Variants in INPP5A observed in about 807,000 individuals in gnomAD.
INPP5A encodes inositol polyphosphate-5-phosphatase A.
In INPP5A, 14 loss-of-function variants were observed where a neutral mutation model predicts 65.2. The ratio of observed to expected loss-of-function variants is 0.21; its 90% CI spans 0.14 to 0.34. The LOEUF (loss-of-function observed/expected upper bound fraction) is 0.34. INPP5A is among the 10% of genes least tolerant of loss of function. The pLI, the probability that INPP5A is intolerant of heterozygous loss-of-function variation, is 1.00. For synonymous variants in INPP5A, 207 were observed against 208.3 expected (o/e 0.99, Z 0.05); for missense variants, 431 against 545.6 (o/e 0.79, Z 2.09).
In INPP5A at chr10:132,545,597, TA is replaced by T. The variant is rs879652392; in HGVS notation, c.75+7427del. 2.0e-5 allele frequency among the ~76,000 whole-genome samples: 3 copies of T among 152,172 alleles called. No individual in the cohort carries two copies. The highest frequency in any genetic ancestry group is 4.4e-5 in the Non-Finnish European group (3 of 68,020). On this transcript the variant is annotated intron_variant, in intron 1 of 15. Coordinates refer to ENST00000368594, the MANE Select transcript of INPP5A (RefSeq NM_005539.5). This position sits in a 1 kb window ranked among gnomAD's most constrained non-coding sequence, Gnocchi z 4.6. ...TCCAGTGAAATACCTGTGGGGGCCT[TA>T]GGGGAAGAGGGTGCGGAACAGGCAG...
chr10:132,588,391 G>T (rs1276417137), intron 1 of INPP5A, among the ~76,000 whole-genome samples: 1 of 152,226 alleles, frequency 6.6e-6, no homozygotes, highest in African/African-American at 2.4e-5. Context: ...CCTTCCTCCT[G>T]CACCGCCTGG....
chr10:132,764,365 G>A (rs1433191082), intron 11 of INPP5A, among the ~76,000 whole-genome samples: 1 of 152,188 alleles, frequency 6.6e-6, no homozygotes, highest in Non-Finnish European at 1.5e-5. Flanking sequence ...GAACATGGCC[G>A]GGCCAGTCCT....
chr10:132,638,519 T>C (rs1029868669), intron 2 of INPP5A, among the ~76,000 whole-genome samples: 1 of 152,236 alleles, frequency 6.6e-6, no homozygotes, highest in African/African-American at 2.4e-5. Context: ...TCTGGATTTT[T>C]CCTCATTTTA....
In INPP5A at chr10:132,544,041, C is replaced by G. The variant is rs567552399; in HGVS notation, c.75+5870C>G. Among the ~76,000 whole-genome samples, 17 of 152,364 alleles carry G rather than the reference C, an allele frequency of 1.1e-4. No homozygotes were observed. The East Asian group carries it at 3.3e-3, about 29-fold the overall frequency. On this transcript the variant is annotated intron_variant, in intron 1 of 15. Transcript: ENST00000368594. ...GAGTTCGTATTTAACCCTTGAGGGC[C>G]TGTCAGGCAGTCCATGGTGGCTGCC...
intron 1 of INPP5A, among the ~76,000 whole-genome samples, chr10:132,583,297 G>A (rs1186428509): frequency 1.3e-5 from 2 of 152,142 alleles, no homozygotes; most frequent in Non-Finnish European, 2.9e-5. Flanking sequence ...CCTCTGAACC[G>A]TAGCTTCTGT....
chr10:132,652,226 T>G (rs1038805739), intron 4 of INPP5A, among the ~76,000 whole-genome samples: 2 of 152,054 alleles, frequency 1.3e-5, no homozygotes, highest in African/African-American at 2.4e-5. Flanking sequence ...AGCAGCAAAT[T>G]AGACATTGCA....
chr10:132,685,574 A>G (rs1006364046), intron 4 of INPP5A, among the ~76,000 whole-genome samples: 3 of 152,228 alleles, frequency 2.0e-5, no homozygotes, highest in Non-Finnish European at 4.4e-5. Context: ...CGGAAATGAT[A>G]AATTACCGGC....
chr10:132,736,637 G>A (rs556099317), intron 9 of INPP5A, among the ~76,000 whole-genome samples: 57 of 152,366 alleles, frequency 3.7e-4, no homozygotes, highest in South Asian at 2.5e-3. Context: ...TGTGTCTGCC[G>A]TTCAGTGGAG....
chr10:132,571,713 A>C (rs189639443), intron 1 of INPP5A, among the ~76,000 whole-genome samples: 3,006 of 152,294 alleles, frequency 0.02, 189 homozygotes, highest in Admixed American at 0.14. Context: ...TGCGTGCTGT[A>C]AGGACCTCGA....
chr10:132,645,553 A>G (rs1360191775), intron 2 of INPP5A, among the ~76,000 whole-genome samples: 1 of 152,272 alleles, frequency 6.6e-6, no homozygotes. Flanking sequence ...GAGGCTCTGC[A>G]GTAAACACGC....
In INPP5A at chr10:132,616,403, C is replaced by T. The variant is rs532156984; in HGVS notation, c.117+8447C>T. Among the ~76,000 whole-genome samples the T allele has an allele frequency of 6.0e-5, 9 of 150,880 alleles. No homozygotes were observed. Among genetic ancestry groups the T allele is most frequent in the Admixed American group, 1.3e-4 (2 of 15,190 alleles). ...GGCGTGGTGTGAGGTATGTGGCGTG[C>T]GGGGACGCCGTGGGCGTGGTGTGGG... On this transcript the variant is annotated intron_variant, in intron 2 of 15. Coordinates refer to ENST00000368594, the MANE Select transcript of INPP5A (RefSeq NM_005539.5). This position sits in a 1 kb window ranked among gnomAD's most constrained non-coding sequence, Gnocchi z 4.9.
Position 132,705,245 on chromosome 10 carries a change from C to T in INPP5A, c.475-3068C>T, listed in dbSNP as rs1461269814. Reference sequence around the variant, plus strand: ...AGAGGCTCCCCGGGGCAAATGGCCTCCCCGAGAGAGGAGGCGGACATGTTT... The same window carrying T: ...AGAGGCTCCCCGGGGCAAATGGCCTTCCCGAGAGAGGAGGCGGACATGTTT... On this transcript the variant is annotated intron_variant, in intron 6 of 15. Transcript: ENST00000368594. This position sits in a 1 kb window ranked among gnomAD's most constrained non-coding sequence, Gnocchi z 4.9. Among the ~76,000 whole-genome samples, 1 of 152,212 alleles carries T rather than the reference C, an allele frequency of 6.6e-6. No individual in the cohort carries two copies. Among genetic ancestry groups the T allele is most frequent in the Non-Finnish European group, 1.5e-5 (1 of 68,040 alleles).
chr10:132,590,159 G>A (rs2071601072), intron 1 of INPP5A, among the ~76,000 whole-genome samples: 1 of 152,222 alleles, frequency 6.6e-6, no homozygotes, highest in Admixed American at 6.5e-5. Context: ...TGGCTGGCGA[G>A]GGACGCCAGG....
intron 2 of INPP5A, among the ~76,000 whole-genome samples, chr10:132,641,873 T>TCTC (rs1354434816): frequency 2.0e-5 from 3 of 152,222 alleles, no homozygotes; most frequent in African/African-American, 7.2e-5. Flanking sequence ...ACCCCGGGCT[T>TCTC]CTCCTGATGC....
intron 12 of INPP5A, among the ~76,000 whole-genome samples, chr10:132,772,855 C>T (rs1205863330): frequency 2.0e-4 from 20 of 100,208 alleles, no homozygotes; most frequent in Non-Finnish European, 1.0e-4. Flanking sequence ...AAGAGTGGGA[C>T]GGACACTCAG....
Position 132,753,251 on chromosome 10 carries a change from C to T in INPP5A, c.903+3406C>T, listed in dbSNP as rs571602991. 6.6e-6 allele frequency among the ~76,000 whole-genome samples: 1 copy of T among 152,230 alleles called. No homozygotes were observed. The highest frequency in any genetic ancestry group is 6.5e-5 in the Admixed American group (1 of 15,302). On this transcript the variant is annotated intron_variant, in intron 11 of 15. Coordinates refer to ENST00000368594, the MANE Select transcript of INPP5A (RefSeq NM_005539.5). This position sits in a 1 kb window ranked among gnomAD's most constrained non-coding sequence, Gnocchi z 5.3. The stretch of plus-strand genomic sequence containing the variant: ...CCCATCGACGGAGGGTCAAGGTGGT[C>T]GGACGGGGAGCCTGGGGAGATAATC...
intron 11 of INPP5A, among the ~76,000 whole-genome samples, chr10:132,759,701 C>T (rs1007923879): frequency 6.6e-6 from 1 of 151,980 alleles, no homozygotes; most frequent in African/African-American, 2.4e-5. Flanking sequence ...TTCTATGGCC[C>T]GGCGCCCTCC....
intron 1 of INPP5A, among the ~76,000 whole-genome samples, chr10:132,552,360 C>T (rs1266040815): frequency 1.7e-4 from 14 of 84,482 alleles, no homozygotes; most frequent in Admixed American, 2.8e-4. Flanking sequence ...GTGAACACCT[C>T]CTCAGAGCCT....
intron 2 of INPP5A, among the ~76,000 whole-genome samples, chr10:132,639,308 CTTT>C (rs201064482): frequency 1.4e-5 from 2 of 140,520 alleles, no homozygotes. Flanking sequence ...TCTGGGTTGA[CTTT>C]TTTTTTTTTT....
Sources: allele counts gnomAD v4.1 joint callset (sites outside exome capture counted in the v4.1 genomes callset), GRCh38; gene constraint gnomAD v4.1.1; non-coding constraint Gnocchi (gnomAD v3.1); transcripts MANE v1.5; gene names NCBI Gene and HGNC (gene_info 2026-07-23, HGNC 2026-07-21).